Variants in ZCCHC14 observed in about 807,000 individuals in gnomAD.
The protein encoded by ZCCHC14 is zinc finger CCHC-type containing 14.
Under a neutral mutation model 85.0 loss-of-function variants are expected in ZCCHC14, and 16 were observed. The ratio of observed to expected loss-of-function variants is 0.19; its 90% CI spans 0.13 to 0.29. ZCCHC14 has a LOEUF of 0.29. ZCCHC14 is among the 10% of genes least tolerant of loss of function. ZCCHC14 has a pLI of 1.00. For synonymous variants in ZCCHC14, 775 were observed against 630.7 expected (o/e 1.23, Z -3.43); for missense variants, 1,303 against 1,443.5 (o/e 0.90, Z 1.58).
Position 87,431,730 on chromosome 16 carries a change from G to A in ZCCHC14, c.768+1398C>T, listed in dbSNP as rs144292067. The stretch of plus-strand genomic sequence containing the variant: ...CCAGTATCTGAAGAGGCCTGACACC[G>A]CAATGCAAGGAATGAAGGAAGGTGT... On this transcript the variant is annotated intron_variant, in intron 3 of 12. Transcript: ENST00000671377. Among the ~76,000 whole-genome samples, 140 of 152,240 alleles carry A rather than the reference G, an allele frequency of 9.2e-4. 1 individual carries two copies. The highest frequency in any genetic ancestry group is 3.4e-3 in the Middle Eastern group (1 of 294).
intron 7 of ZCCHC14, among the ~76,000 whole-genome samples, chr16:87,418,320 G>A (rs1172987153): frequency 6.6e-6 from 1 of 152,210 alleles, no homozygotes; most frequent in Non-Finnish European, 1.5e-5. Flanking sequence ...AGTCACACCT[G>A]CTGACTGGGC....
chr16:87,411,760 C>A lies in ZCCHC14; in HGVS notation c.2961G>T (p.Val987=). 6.2e-7 allele frequency: 1 copy of A among 1,612,208 alleles called. No individual in the cohort carries two copies. The highest frequency in any genetic ancestry group is 8.5e-7 in the Non-Finnish European group (1 of 1,178,916). ...TCCCGCTGCTGCTGTAAGGGGCGTGCACGACGGGGAAGGTGGAGCCGCCGC... is the reference window on the plus strand; with the variant it reads ...TCCCGCTGCTGCTGTAAGGGGCGTGAACGACGGGGAAGGTGGAGCCGCCGC... ...QYGGGSTFPV[V]HAPYSSSGTP... The change falls in exon 12 of 13, where the codon GTG becomes GTT. Residue 987 remains valine (V), a synonymous_variant. Coordinates refer to ENST00000671377, the MANE Select transcript of ZCCHC14 (RefSeq NM_015144.3).
rs1430920383 is a variant in ZCCHC14 at position 87,492,523 on chromosome 16, C to T, written c.-285G>A. 6.9e-6 allele frequency: 1 copy of T among 145,484 alleles called. No homozygotes were observed. Among genetic ancestry groups the T allele is most frequent in the Non-Finnish European group, 1.5e-5 (1 of 65,516 alleles). 9.0% of individuals were successfully genotyped at this position (145,484 alleles called of 1,614,324 possible). On this transcript the variant is annotated 5_prime_UTR_variant, in exon 1 of 13. Transcript: ENST00000671377. The surrounding 1 kb of genome is among the most constrained non-coding windows in gnomAD (Gnocchi z 6.7). The stretch of plus-strand genomic sequence containing the variant: ...GGGGGCGGCGAGCGGCCTCGGGCCC[C>T]CCGCTCACGGGGAGGCGCCTTCCCC...
Position 87,407,239 on chromosome 16 carries a change from A to G in ZCCHC14, c.*3041T>C, listed in dbSNP as rs926925353. 1 of 152,272 alleles carries G rather than the reference A, an allele frequency of 6.6e-6. No homozygotes were observed. Among genetic ancestry groups the G allele is most frequent in the African/African-American group, 2.4e-5 (1 of 41,480 alleles). The allele number at this position is 152,272 out of a possible 1,614,324, so 9.4% of individuals were successfully genotyped here. ...AAGGACCTAGAATTCTAAGTACTGA[A>G]TTAAAAATACAGAACCTACTAACAC... On this transcript the variant is annotated 3_prime_UTR_variant, in exon 13 of 13. Transcript: ENST00000671377.
chr16:87,459,615 T>C (rs2150758565), intron 2 of ZCCHC14, among the ~76,000 whole-genome samples: 1 of 152,052 alleles, frequency 6.6e-6, no homozygotes, highest in African/African-American at 2.4e-5. Context: ...GTTCAAGCGA[T>C]TCTCCTGCCT....
rs1173668938 is a variant in ZCCHC14, at chr16:87,431,894, T to C, written c.768+1234A>G. 5.3e-5 allele frequency among the ~76,000 whole-genome samples: 8 copies of C among 152,176 alleles called. No homozygotes were observed. In the East Asian group the frequency reaches 9.6e-4, roughly 18 times the overall value. On this transcript the variant is annotated intron_variant, in intron 3 of 12. Coordinates refer to ENST00000671377, the MANE Select transcript of ZCCHC14 (RefSeq NM_015144.3). Reference sequence around the variant, plus strand: ...CACGACATGAGACCCAGAAACTCCGTGGGCGCCGAGACTCCGGCACTACCA... The same window carrying C: ...CACGACATGAGACCCAGAAACTCCGCGGGCGCCGAGACTCCGGCACTACCA...
rs1273634974 is a variant in ZCCHC14 at position 87,492,346 on chromosome 16, C to T, written c.-108G>A. 1 of 262,266 alleles carries T rather than the reference C, an allele frequency of 3.8e-6. No individual in the cohort carries two copies. Among genetic ancestry groups the T allele is most frequent in the African/African-American group, 2.4e-5 (1 of 41,638 alleles). The allele number at this position is 262,266 out of a possible 1,614,324, so 16.2% of individuals were successfully genotyped here. On this transcript the variant is annotated 5_prime_UTR_variant, in exon 1 of 13. Transcript: ENST00000671377. This position sits in a 1 kb window ranked among gnomAD's most constrained non-coding sequence, Gnocchi z 6.7. ...GCGCCGGGACCGGGGACGCGCGGGC[C>T]GGGGCCGGGTCCGGGCGAGGGCGCG...
intron 1 of ZCCHC14, among the ~76,000 whole-genome samples, chr16:87,479,768 C>T (rs1912182495): frequency 6.6e-6 from 1 of 152,134 alleles, no homozygotes; most frequent in South Asian, 2.1e-4. Flanking sequence ...CCACAGGCTC[C>T]ACAGGAGACA....
chr16:87,458,706 T>C lies in ZCCHC14; in HGVS notation c.694+1302A>G, dbSNP rs539906584. On this transcript the variant is annotated intron_variant, in intron 2 of 12. Coordinates refer to ENST00000671377, the MANE Select transcript of ZCCHC14 (RefSeq NM_015144.3). ...AGCGCCGTGCCAGGGACGGGGACGG[T>C]GCGGGGCGGTTGGGGGAGAGCGCAC... 2.6e-3 allele frequency among the ~76,000 whole-genome samples: 393 copies of C among 152,188 alleles called. 2 individuals carry two copies. Among genetic ancestry groups the C allele is most frequent in the African/African-American group, 9.0e-3 (374 of 41,528 alleles).
intron 1 of ZCCHC14, among the ~76,000 whole-genome samples, chr16:87,487,396 G>A (rs1351767435): frequency 5.9e-5 from 9 of 152,302 alleles, no homozygotes; most frequent in Non-Finnish European, 1.2e-4. Flanking sequence ...CTGCAGCTCA[G>A]GCGGGGCCCC....
At chr16:87,472,196 G>C (rs914407792) in intron 1 of ZCCHC14, 1 of 152,208 alleles carries the variant, frequency 6.6e-6, no homozygotes, top group African/African-American at 2.4e-5. Flanking sequence ...CGGCCCTACA[G>C]TCAGACCCTC....
At chr16:87,490,774 A>G (rs1277829261) in intron 1 of ZCCHC14, among the ~76,000 whole-genome samples, 1 of 152,212 alleles carries the variant, frequency 6.6e-6, no homozygotes, top group Non-Finnish European at 1.5e-5. Flanking sequence ...AAACGATCAC[A>G]CACAACGTTC....
At chr16:87,419,982 A>G (rs1909007721) in intron 5 of ZCCHC14, 105 bp from the exon 6 acceptor site, 2 of 917,906 alleles carry the variant, frequency 2.2e-6, no homozygotes, top group African/African-American at 1.7e-5. Flanking sequence ...GTATTAGAGG[A>G]AAAAAGCCAG....
At chr16:87,425,996 C>A (rs1909350751) in intron 3 of ZCCHC14, among the ~76,000 whole-genome samples, 1 of 152,256 alleles carries the variant, frequency 6.6e-6, no homozygotes, top group South Asian at 2.1e-4. Flanking sequence ...CAGGACTCTT[C>A]TACTTTGTGT....
intron 2 of ZCCHC14, among the ~76,000 whole-genome samples, chr16:87,457,775 C>T (rs1183046575): frequency 6.6e-6 from 1 of 152,180 alleles, no homozygotes; most frequent in Non-Finnish European, 1.5e-5. Context: ...CAATAACCTG[C>T]ACCCAACAGA....
intron 1 of ZCCHC14, among the ~76,000 whole-genome samples, chr16:87,490,486 G>T (rs928004513): frequency 3.3e-5 from 5 of 152,226 alleles, no homozygotes; most frequent in Admixed American, 2.0e-4. Flanking sequence ...ATTGCAGGGG[G>T]CTGTTCAAAA....
intron 3 of ZCCHC14, among the ~76,000 whole-genome samples, chr16:87,428,853 C>T (rs1251148738): frequency 6.6e-6 from 1 of 152,068 alleles, no homozygotes; most frequent in Non-Finnish European, 1.5e-5. Flanking sequence ...GTGCATATGG[C>T]TGAGTATCTC....
In ZCCHC14 at chr16:87,408,303, T is replaced by C. The variant is rs1479705989; in HGVS notation, c.*1977A>G. ...AAATAGGATTTATTTAAAATATTTCTTTGCTTAAAAAAACCAAAAAATTTA... is the reference window on the plus strand; with the variant it reads ...AAATAGGATTTATTTAAAATATTTCCTTGCTTAAAAAAACCAAAAAATTTA... On this transcript the variant is annotated 3_prime_UTR_variant, in exon 13 of 13. Transcript: ENST00000671377. 1 of 152,536 alleles carries C rather than the reference T, an allele frequency of 6.6e-6. No homozygotes were observed. The highest frequency in any genetic ancestry group is 1.5e-5 in the Non-Finnish European group (1 of 68,042). The allele number at this position is 152,536 out of a possible 1,614,324, so 9.4% of individuals were successfully genotyped here.
At chr16:87,440,252 T>A (rs184664950) in intron 2 of ZCCHC14, among the ~76,000 whole-genome samples, 16 of 151,954 alleles carry the variant, frequency 1.1e-4, no homozygotes, top group Middle Eastern at 3.4e-3. Flanking sequence ...GCAACCTCCA[T>A]CTCCTGAGTT....
Sources: allele counts gnomAD v4.1 joint callset (sites outside exome capture counted in the v4.1 genomes callset), GRCh38; gene constraint gnomAD v4.1.1; non-coding constraint Gnocchi (gnomAD v3.1); transcripts MANE v1.5; gene names NCBI Gene and HGNC (gene_info 2026-07-23, HGNC 2026-07-21).